The following KDM4C variants were observed in gnomAD, a reference collection of about 807,000 sequenced individuals.
KDM4C encodes the protein lysine demethylase 4C.
In KDM4C, 81 loss-of-function variants were observed where a neutral mutation model predicts 129.3. The observed-to-expected ratio is 0.63, with a 90% CI of 0.52 to 0.75. KDM4C has a LOEUF of 0.75. KDM4C is among the 30% of genes least tolerant of loss of function. KDM4C has a pLI of 0.00. For synonymous variants in KDM4C, 573 were observed against 456.1 expected, an observed-to-expected ratio of 1.26 and a Z score of -3.26; for missense variants, 1,457 against 1,304.0, an observed-to-expected ratio of 1.12 and a Z score of -1.81.
At chr9:6,974,441 C>G (rs1832589459) in intron 8 of KDM4C, among the ~76,000 whole-genome samples, 4 of 152,176 alleles carry the variant, frequency 2.6e-5, no homozygotes, top group South Asian at 4.1e-4. Context: ...CTCACTGCAA[C>G]CTACGCCTCT....
intron 7 of KDM4C, among the ~76,000 whole-genome samples, chr9:6,890,187 T>G (rs1845919911): frequency 6.6e-6 from 1 of 152,200 alleles, no homozygotes. Context: ...GGCAGCACAA[T>G]GGTAGCACAG....
intron 5 of KDM4C, among the ~76,000 whole-genome samples, chr9:6,858,629 C>T (rs1045298385): frequency 2.6e-5 from 4 of 152,086 alleles, no homozygotes; most frequent in South Asian, 2.1e-4. Flanking sequence ...AAAAGTTAGC[C>T]GGGTGTGGTG....
intron 8 of KDM4C, chr9:6,941,694 C>T (rs571698748): frequency 6.6e-6 from 1 of 152,290 alleles, no homozygotes; most frequent in South Asian, 2.1e-4. Flanking sequence ...TTGTGGCAGC[C>T]AAGCCAGAGA....
At chr9:7,105,483 T>A (rs1361148922) in intron 18 of KDM4C, 1 of 470,986 alleles carries the variant, frequency 2.1e-6, no homozygotes. Context: ...TGCTACAATC[T>A]TATGTGAACT....
At chr9:7,097,479 C>G (rs1359980549) in intron 17 of KDM4C, among the ~76,000 whole-genome samples, 1 of 152,204 alleles carries the variant, frequency 6.6e-6, no homozygotes, top group South Asian at 2.1e-4. Context: ...ACTCTCCTGC[C>G]ACATCATGGG....
At chr9:7,058,545 G>A (rs1831190654) in intron 17 of KDM4C, among the ~76,000 whole-genome samples, 1 of 152,114 alleles carries the variant, frequency 6.6e-6, no homozygotes, top group South Asian at 2.1e-4. Flanking sequence ...GCAGCTCACT[G>A]TTGAAAATGG....
chr9:7,143,855 T>C (rs888633165), intron 19 of KDM4C, among the ~76,000 whole-genome samples: 8 of 152,192 alleles, frequency 5.3e-5, no homozygotes, highest in Non-Finnish European at 1.2e-4. Context: ...CTGGTAGTAA[T>C]TACACATATC....
chr9:7,127,786 C>A, intron 18 of KDM4C: 1 of 265,956 alleles, frequency 3.8e-6, no homozygotes. Flanking sequence ...TATATACATA[C>A]ATATTGTTTT....
chr9:6,742,301 A>G (rs755077562), intron 1 of KDM4C, among the ~76,000 whole-genome samples: 11 of 152,064 alleles, frequency 7.2e-5, no homozygotes, highest in Non-Finnish European at 8.8e-5. Flanking sequence ...TGGGCAATAC[A>G]TTATCTTTCC....
chr9:7,018,817 A>G (rs10975978), intron 15 of KDM4C, among the ~76,000 whole-genome samples: 24,005 of 152,254 alleles, frequency 0.16, 2,249 homozygotes, highest in East Asian at 0.27. Context: ...ACTCTTTGGA[A>G]TAGACTTAAA....
chr9:6,763,275 G>A lies in KDM4C; in HGVS notation c.-18+5072G>A, dbSNP rs979129444. Among the ~76,000 whole-genome samples, 6 of 152,052 alleles carry A rather than the reference G, an allele frequency of 3.9e-5. 1 individual carries two copies. The South Asian group carries it at 8.3e-4, about 21-fold the overall frequency. ...ATCTTTCTTCCTAGTTCCCTGAATG[G>A]GCTTGGTACTCTGCCCATGCTGTTG... is the stretch of plus-strand genomic sequence containing the variant. On this transcript the variant is annotated intron_variant, in intron 1 of 21. Coordinates refer to ENST00000381309, the MANE Select transcript of KDM4C (RefSeq NM_015061.6).
At position 6,758,338 on chromosome 9, in the gene KDM4C, C is replaced by G. The variant is rs762246329; in HGVS notation, c.-18+135C>G. On this transcript the variant is annotated intron_variant, in intron 1 of 21. Transcript: ENST00000381309. This position sits in a 1 kb window ranked among gnomAD's most constrained non-coding sequence, Gnocchi z 4.6. ...GCGGCGACGCTGGGGCAGAGACGCTCCGTCCGTGACTGCAGCGACTGTCAA... is the reference window on the plus strand; with the variant it reads ...GCGGCGACGCTGGGGCAGAGACGCTGCGTCCGTGACTGCAGCGACTGTCAA... 85 of 416,556 alleles carry G rather than the reference C, an allele frequency of 2.0e-4. No homozygotes were observed. The highest frequency in any genetic ancestry group is 2.6e-4 in the Non-Finnish European group (80 of 309,742). 25.8% of individuals were successfully genotyped at this position (416,556 alleles called of 1,614,324 possible). A position where few individuals can be genotyped will look rare whatever the true frequency, so the allele number is the denominator to read the frequency against.
chr9:6,957,997 C>G (rs964985763), intron 8 of KDM4C, among the ~76,000 whole-genome samples: 7 of 151,830 alleles, frequency 4.6e-5, no homozygotes, highest in African/African-American at 1.5e-4. Context: ...GTGTGACCTC[C>G]AAGTATATTG....
At chr9:6,731,025 T>A (rs981168613) in intron 1 of KDM4C, among the ~76,000 whole-genome samples, 1 of 152,220 alleles carries the variant, frequency 6.6e-6, no homozygotes, top group African/African-American at 2.4e-5. Flanking sequence ...TAGTTCGCTT[T>A]AACAATCACC....
At chr9:6,951,665 A>G (rs1420092277) in intron 8 of KDM4C, among the ~76,000 whole-genome samples, 1 of 152,204 alleles carries the variant, frequency 6.6e-6, no homozygotes, top group Non-Finnish European at 1.5e-5. Context: ...CATGGTATAC[A>G]GTTTAGACAT....
chr9:7,170,219 A>C (rs1483724174), intron 21 of KDM4C: 2 of 1,197,774 alleles, frequency 1.7e-6, no homozygotes, highest in South Asian at 3.6e-5. Context: ...AGGCATTTGC[A>C]ATCTTGTTAG....
intron 14 of KDM4C, among the ~76,000 whole-genome samples, chr9:7,015,320 C>T (rs1823462424): frequency 6.6e-6 from 1 of 151,998 alleles, no homozygotes; most frequent in South Asian, 2.1e-4. Context: ...CATATAATTG[C>T]TATGTATATT....
upstream of KDM4C, chr9:6,757,725 T>G (rs753538324): frequency 3.0e-6 from 3 of 985,586 alleles, no homozygotes; most frequent in Non-Finnish European, 3.6e-6. Context: ...AGCCAGCGCT[T>G]CCGGGCAAGG....
At chr9:7,078,055 AAAATT>A (rs1208459592) in intron 17 of KDM4C, among the ~76,000 whole-genome samples, 2 of 152,236 alleles carry the variant, frequency 1.3e-5, no homozygotes, top group African/African-American at 4.8e-5. Context: ...TGATGAGAAA[AAAATT>A]AAAGACAAAT....
Sources: allele counts gnomAD v4.1 joint callset (sites outside exome capture counted in the v4.1 genomes callset), GRCh38; gene constraint gnomAD v4.1.1; non-coding constraint Gnocchi (gnomAD v3.1); transcripts MANE v1.5; gene names NCBI Gene and HGNC (gene_info 2026-07-23, HGNC 2026-07-21).